Variants in REDIC1 observed in about 807,000 individuals in gnomAD.
The protein encoded by REDIC1 is HEI10 Interacting Protein 1.
chr12:39,712,181 T>TATGTATATGTACATGTATATATACCTGC, the REDIC1 span, among the ~76,000 whole-genome samples: 2 of 138,958 alleles, frequency 1.4e-5, no homozygotes, highest in South Asian at 2.2e-4. Flanking sequence ...TATATACCTG[T>TATGTATATGTACATGTATATATACCTGC]ATGTATATGT....
chr12:39,835,283 A>G, the REDIC1 span, among the ~76,000 whole-genome samples: 7 of 152,090 alleles, frequency 4.6e-5, no homozygotes, highest in Non-Finnish European at 1.0e-4. Context: ...AAGATTGTAC[A>G]TGAAAGAAAA....
the REDIC1 span, among the ~76,000 whole-genome samples, chr12:39,790,175 T>G: frequency 6.6e-6 from 1 of 151,298 alleles, no homozygotes; most frequent in Non-Finnish European, 1.5e-5. Context: ...GAAGAAAGAA[T>G]TTTTTATTAG....
At chr12:39,829,988 A>T in the REDIC1 span, 1 of 1,255,402 alleles carries the variant, frequency 8.0e-7, no homozygotes, top group Non-Finnish European at 1.1e-6. Flanking sequence ...AAAGTAATGT[A>T]GTTATGAAGG....
the REDIC1 span, among the ~76,000 whole-genome samples, chr12:39,774,166 C>T: frequency 6.6e-6 from 1 of 152,106 alleles, no homozygotes; most frequent in Admixed American, 6.6e-5. Flanking sequence ...TGAAAACGTA[C>T]CTAGGAAAGC....
At chr12:39,701,135 G>C in the REDIC1 span, among the ~76,000 whole-genome samples, 1 of 148,180 alleles carries the variant, frequency 6.7e-6, no homozygotes, top group African/African-American at 2.5e-5. Flanking sequence ...AAAAGACACA[G>C]ATTGGCAAAT....
At chr12:39,764,710 C>T in the REDIC1 span, 2,698 of 1,605,832 alleles carry the variant, frequency 1.7e-3, 3 homozygotes, top group Middle Eastern at 5.8e-3. Flanking sequence ...TCAATTAATG[C>T]AACAGTATAA....
chr12:39,827,967 T>TG, the REDIC1 span, among the ~76,000 whole-genome samples: 2 of 152,124 alleles, frequency 1.3e-5, no homozygotes, highest in Non-Finnish European at 2.9e-5. Flanking sequence ...CTAGAGATAG[T>TG]ATATCTCTAG....
chr12:39,690,747 A>T, the REDIC1 span, among the ~76,000 whole-genome samples: 2 of 152,170 alleles, frequency 1.3e-5, no homozygotes, highest in African/African-American at 4.8e-5. Flanking sequence ...ATATAAATGC[A>T]ATAAAAAGCC....
chr12:39,873,563 T>C, the REDIC1 span, among the ~76,000 whole-genome samples: 1 of 152,236 alleles, frequency 6.6e-6, no homozygotes, highest in Non-Finnish European at 1.5e-5. Context: ...GTCATGCTAC[T>C]AAGTTTCAGA....
the REDIC1 span, among the ~76,000 whole-genome samples, chr12:39,703,731 G>C: frequency 1.3e-5 from 2 of 152,088 alleles, no homozygotes; most frequent in African/African-American, 2.4e-5. Context: ...CCAAAAGAGA[G>C]ATATAGATTA....
At chr12:39,861,977 T>C in the REDIC1 span, among the ~76,000 whole-genome samples, 1 of 152,160 alleles carries the variant, frequency 6.6e-6, no homozygotes, top group African/African-American at 2.4e-5. Flanking sequence ...ACCCATCACC[T>C]AGGTATTAAG....
the REDIC1 span, among the ~76,000 whole-genome samples, chr12:39,680,610 G>A: frequency 7.8e-4 from 119 of 152,314 alleles, no homozygotes; most frequent in African/African-American, 2.8e-3. Context: ...ATTTGATCCA[G>A]CAATCCCACT....
the REDIC1 span, among the ~76,000 whole-genome samples, chr12:39,807,386 T>C: frequency 5.9e-3 from 901 of 152,290 alleles, 8 homozygotes; most frequent in African/African-American, 0.021. Context: ...ATTGAAACAA[T>C]ATCAATCTCC....
the REDIC1 span, among the ~76,000 whole-genome samples, chr12:39,781,769 C>T: frequency 1.3e-5 from 2 of 152,272 alleles, no homozygotes; most frequent in African/African-American, 4.8e-5. Flanking sequence ...ATTTGTCGTG[C>T]TTCTCTTTAG....
chr12:39,660,374 G>C, the REDIC1 span, among the ~76,000 whole-genome samples: 1 of 152,116 alleles, frequency 6.6e-6, no homozygotes, highest in Non-Finnish European at 1.5e-5. Flanking sequence ...TGGCTTGAAT[G>C]TTCTCTCCAG....
At chr12:39,664,410 C>T in the REDIC1 span, among the ~76,000 whole-genome samples, 1 of 151,960 alleles carries the variant, frequency 6.6e-6, no homozygotes. Flanking sequence ...TGAACTCATC[C>T]TTTTTTATGG....
chr12:39,691,959 A>G, the REDIC1 span: 27 of 1,185,480 alleles, frequency 2.3e-5, no homozygotes, highest in Non-Finnish European at 5.7e-6. Flanking sequence ...GAAAAGTACT[A>G]TAAAATGAAT....
the REDIC1 span, among the ~76,000 whole-genome samples, chr12:39,778,595 TTAAA>T: frequency 2.0e-5 from 3 of 152,228 alleles, no homozygotes; most frequent in Non-Finnish European, 4.4e-5. Context: ...GGTTTTATCA[TTAAA>T]TAGTTATTAT....
At chr12:39,718,189 C>G in the REDIC1 span, among the ~76,000 whole-genome samples, 1 of 151,984 alleles carries the variant, frequency 6.6e-6, no homozygotes, top group Non-Finnish European at 1.5e-5. Context: ...GGGTTCTCTC[C>G]CATCGCATTG....
Sources: allele counts gnomAD v4.1 joint callset (sites outside exome capture counted in the v4.1 genomes callset), GRCh38; gene constraint gnomAD v4.1.1; transcripts MANE v1.5; gene names NCBI Gene and HGNC (gene_info 2026-07-23, HGNC 2026-07-21).